CEP350: variants seen among roughly 807,000 people sequenced by gnomAD.
CEP350 encodes the protein centrosomal protein 350.
Under a neutral mutation model 331.8 loss-of-function variants are expected in CEP350, and 126 were observed. The observed-to-expected ratio is 0.38, with a 90% CI of 0.33 to 0.44. The LOEUF (loss-of-function observed/expected upper bound fraction) is 0.44, where lower values mean the gene tolerates loss of function less well. Among genes scored for constraint, CEP350 ranks in the 20% least tolerant of loss-of-function variants. The probability of loss-of-function intolerance (pLI) is 1.00; values close to 1 mark genes in which losing one functional copy is unlikely to be tolerated. For synonymous variants in CEP350, 1,200 were observed against 1,259.5 expected, an observed-to-expected ratio of 0.95 and a Z score of 1.00; for missense variants, 3,406 against 3,634.6, an observed-to-expected ratio of 0.94 and a Z score of 1.62.
chr1:180,003,392 T>C, intron 7 of CEP350, 105 bp downstream of exon 7: 1 of 758,524 alleles, frequency 1.3e-6, no homozygotes, highest in South Asian at 1.9e-5. Context: ...ATTTTCCTTC[T>C]CTAACTGCAT....
At chr1:179,982,726 A>G (rs762042542) in intron 1 of CEP350, among the ~76,000 whole-genome samples, 11 of 152,238 alleles carry the variant, frequency 7.2e-5, no homozygotes, top group Non-Finnish European at 1.3e-4. Flanking sequence ...TATTCTAGTA[A>G]TATAACTGAT....
rs200255438 is a variant in CEP350 at position 180,099,780 on chromosome 1, ATTTTTT to A, written c.9189+813_9189+818del. 3.1e-3 allele frequency among the ~76,000 whole-genome samples: 375 copies of A among 119,426 alleles called. 1 individual carries two copies. The highest frequency in any genetic ancestry group is 8.8e-3 in the Middle Eastern group (2 of 228). 78.3% of individuals were successfully genotyped at this position (119,426 alleles called of 152,430 possible). On this transcript the variant is annotated intron_variant, in intron 37 of 37. Coordinates refer to ENST00000367607, the MANE Select transcript of CEP350 (RefSeq NM_014810.5). ...GTTTATCATTCTTATGCCTTATTTG[ATTTTTT>A]TTTTTTTTTTTTTTTTTGAGACACA...
chr1:180,045,580 T>C (rs1448402318), intron 21 of CEP350, among the ~76,000 whole-genome samples: 1 of 152,214 alleles, frequency 6.6e-6, no homozygotes, highest in African/African-American at 2.4e-5. Flanking sequence ...GTAGCTATTA[T>C]GTCTCTGAAA....
chr1:179,992,382 A>G (rs1354365197), intron 5 of CEP350, among the ~76,000 whole-genome samples, 161 bp downstream of exon 5: 1 of 152,214 alleles, frequency 6.6e-6, no homozygotes, highest in Non-Finnish European at 1.5e-5. Context: ...AGATGGCTAC[A>G]AAAGATAGTG....
chr1:180,036,796 T>A (rs1656383556), intron 16 of CEP350, 130 bp from the exon 17 acceptor site: 3 of 940,428 alleles, frequency 3.2e-6, no homozygotes, highest in South Asian at 4.1e-5. Context: ...TCCAAGGTAT[T>A]CTGTACTGAG....
intron 33 of CEP350, among the ~76,000 whole-genome samples, chr1:180,091,378 C>A (rs1278601692): frequency 6.6e-6 from 1 of 151,958 alleles, no homozygotes; most frequent in Non-Finnish European, 1.5e-5. Flanking sequence ...ATGAGAAAAA[C>A]CAAAGTATAA....
intron 25 of CEP350, among the ~76,000 whole-genome samples, chr1:180,056,423 C>A: frequency 6.7e-6 from 1 of 148,668 alleles, no homozygotes. Flanking sequence ...TTTATTTAAT[C>A]AGTTTTTCAG....
chr1:179,990,603 C>A lies in CEP350; in HGVS notation c.217C>A (p.Arg73=), dbSNP rs750564859. 2.5e-6 allele frequency: 4 copies of A among 1,585,938 alleles called. No individual in the cohort carries two copies. In the East Asian group the frequency reaches 9.0e-5, roughly 36 times the overall value. Residue 73 remains arginine (R), a synonymous_variant, in exon 4 of 38, where the codon CGA becomes AGA. Coordinates refer to ENST00000367607, the MANE Select transcript of CEP350 (RefSeq NM_014810.5). ...DTKKSSTSAT[R]KISRKDGRYL... is the part of the protein sequence containing the mutation. ...CAAGAAGTCTTCTACAAGTGCTACT[C>A]GAAAAATAAGTAGAAAAGGTATGTA...
At chr1:180,066,653 C>A (rs1658565007) in intron 27 of CEP350, among the ~76,000 whole-genome samples, 1 of 152,008 alleles carries the variant, frequency 6.6e-6, no homozygotes, top group African/African-American at 2.4e-5. Flanking sequence ...GAGGTGAAAC[C>A]AAATATTGAC....
chr1:180,102,583 A>G (rs917675757), intron 37 of CEP350, among the ~76,000 whole-genome samples: 4 of 152,172 alleles, frequency 2.6e-5, no homozygotes, highest in Admixed American at 2.0e-4. Flanking sequence ...AGTCTTTTAC[A>G]TGTTTAATTA....
chr1:180,078,492 C>T lies in CEP350; in HGVS notation c.5797C>T (p.Pro1933Ser). Residue 1933 changes from proline to serine, a missense_variant, in exon 29 of 38, where the codon CCT (proline) becomes TCT (serine). Physicochemically the swap from Pro to Ser is moderately conservative, Grantham distance 74 (BLOSUM62 -1). This residue lies in a region of CEP350 where 1,415 missense variants were observed against 1,512.3 expected (regional missense o/e 0.94). Coordinates refer to ENST00000367607, the MANE Select transcript of CEP350 (RefSeq NM_014810.5). ...EIASEEESPV[P>S]LYSHLNSESS... ...AGCAAGTGAAGAGGAATCTCCAGTA[C>T]CTCTGTACTCTCATCTAAACAGTGA... 2 of 1,613,180 alleles carry T rather than the reference C, an allele frequency of 1.2e-6. No individual in the cohort carries two copies. Among genetic ancestry groups the T allele is most frequent in the Non-Finnish European group, 1.7e-6 (2 of 1,179,578 alleles).
rs755183539 is a variant in CEP350, at chr1:179,997,097, A to G, written c.940A>G (p.Met314Val). 3.7e-6 allele frequency: 6 copies of G among 1,614,012 alleles called. No individual in the cohort carries two copies. In the East Asian group the frequency reaches 8.9e-5, roughly 24 times the overall value. The change falls in exon 6 of 38, where the codon ATG (methionine) becomes GTG (valine). Residue 314 changes from methionine to valine, a missense_variant. By Grantham distance (21) the Met-to-Val change is conservative. Around this residue, in one of 5 missense-constraint regions of CEP350, gnomAD observed 1,857 missense variants for 1,909.2 expected, o/e 0.97. Coordinates refer to ENST00000367607, the MANE Select transcript of CEP350 (RefSeq NM_014810.5). ...GCTGGGTCATATTGACCATCCAGTA[A>G]TGGTTGTTAATGTTGATAACTCAGT... Reference protein sequence around the residue: ...QKLGHIDHPVMVVNVDNSVTA... With the variant: ...QKLGHIDHPVVVVNVDNSVTA...
chr1:179,979,708 T>G (rs1010594760), intron 1 of CEP350, among the ~76,000 whole-genome samples: 1 of 152,128 alleles, frequency 6.6e-6, no homozygotes, highest in African/African-American at 2.4e-5. Flanking sequence ...TTAATCCCTT[T>G]CAAGTTGATT....
Position 180,114,145 on chromosome 1 carries a change from G to T in CEP350, c.*2984G>T, listed in dbSNP as rs181022473. 6.4e-3 allele frequency: 978 copies of T among 152,638 alleles called. 8 individuals are homozygous for T. Among genetic ancestry groups the T allele is most frequent in the Admixed American group, 0.011 (162 of 15,278 alleles). 9.5% of individuals were successfully genotyped at this position (152,638 alleles called of 1,614,324 possible). ...TCAAAAGAGATTTCATTGCTCATAAGAGTGTTGTGGCCTATTGATAAAAAC... is the reference window on the plus strand; with the variant it reads ...TCAAAAGAGATTTCATTGCTCATAATAGTGTTGTGGCCTATTGATAAAAAC... On this transcript the variant is annotated 3_prime_UTR_variant, in exon 38 of 38. Transcript: ENST00000367607.
At chr1:180,001,255 A>T (rs1409583901) in intron 6 of CEP350, among the ~76,000 whole-genome samples, 1 of 152,064 alleles carries the variant, frequency 6.6e-6, no homozygotes, top group East Asian at 1.9e-4. Flanking sequence ...GAATAGTGAT[A>T]ATTTATTTTA....
chr1:180,071,644 A>G (rs1002866047), intron 27 of CEP350, among the ~76,000 whole-genome samples: 3 of 151,836 alleles, frequency 2.0e-5, no homozygotes, highest in Admixed American at 2.0e-4. Flanking sequence ...TTAGCCGGGC[A>G]TGGTGGCAGG....
chr1:180,084,358 A>C lies in CEP350; in HGVS notation c.6285+180A>C, dbSNP rs1002534173. On this transcript the variant is annotated intron_variant, in intron 31 of 37. Coordinates refer to ENST00000367607, the MANE Select transcript of CEP350 (RefSeq NM_014810.5). ...AAGGACATTCTTGCTTAAAACATTAAATTTTATTTTATTTATTTATTTTTG... is the reference window on the plus strand; with the variant it reads ...AAGGACATTCTTGCTTAAAACATTACATTTTATTTTATTTATTTATTTTTG... 6 of 480,136 alleles carry C rather than the reference A, an allele frequency of 1.2e-5. No homozygotes were observed. The East Asian group carries it at 1.9e-4, about 15-fold the overall frequency. 29.7% of individuals were successfully genotyped at this position (480,136 alleles called of 1,614,324 possible). A position where few individuals can be genotyped will look rare whatever the true frequency, so the allele number is the denominator to read the frequency against.
chr1:179,969,447 C>G, intron 1 of CEP350: 1 of 494,370 alleles, frequency 2.0e-6, no homozygotes, highest in African/African-American at 1.9e-5. Flanking sequence ...GCTCAGAAGA[C>G]TGGTCTACAG....
intron 12 of CEP350, among the ~76,000 whole-genome samples, chr1:180,021,873 T>C (rs1202686971): frequency 6.6e-6 from 1 of 152,152 alleles, no homozygotes; most frequent in African/African-American, 2.4e-5. Context: ...ACTTCTAAAG[T>C]TCCCTTCTTA....
Sources: gnomAD v4.1 joint callset for allele counts (sites outside exome capture counted in the v4.1 genomes callset) on GRCh38, gnomAD v4.1.1 for gene constraint, gnomAD v4.1.1 regional missense constraint, MANE v1.5 for transcripts, NCBI Gene and HGNC (gene_info 2026-07-23, HGNC 2026-07-21) for gene names.